The following NR1H4 variants were observed in gnomAD, a reference collection of about 807,000 sequenced individuals.
The protein encoded by NR1H4 is bile acid receptor.
NR1H4 carries 23 observed loss-of-function variants against 58.5 expected under a neutral mutation model. The observed-to-expected ratio is 0.39, with a 90% confidence interval of 0.28 to 0.56. The LOEUF is 0.56. NR1H4 is among the 20% of genes least tolerant of loss of function. The pLI, the probability that NR1H4 is intolerant of heterozygous loss-of-function variation, is 0.58. For synonymous variants in NR1H4, 214 were observed against 198.0 expected, an observed-to-expected ratio of 1.08 and a Z score of -0.68; for missense variants, 487 against 576.9, an observed-to-expected ratio of 0.84 and a Z score of 1.60.
intron 5 of NR1H4, among the ~76,000 whole-genome samples, chr12:100,533,286 G>C (rs1034886193): frequency 1.3e-5 from 2 of 152,182 alleles, no homozygotes; most frequent in African/African-American, 4.8e-5. Flanking sequence ...AGACCACTCA[G>C]ATTCTGAGAT....
intron 8 of NR1H4, among the ~76,000 whole-genome samples, chr12:100,537,764 A>ATC (rs1954846726): frequency 6.6e-6 from 1 of 152,168 alleles, no homozygotes; most frequent in South Asian, 2.1e-4. Flanking sequence ...CCCAGGCTGG[A>ATC]GTGCAATGGC....
chr12:100,510,873 C>T lies in NR1H4; in HGVS notation c.175C>T (p.Pro59Ser). 1 of 1,614,170 alleles carries T rather than the reference C, an allele frequency of 6.2e-7. No individual in the cohort carries two copies. Among genetic ancestry groups the T allele is most frequent in the Non-Finnish European group, 8.5e-7 (1 of 1,180,038 alleles). ...YSNVQFPQVQPQISSSSYYSN... is the reference protein window; with the variant it reads ...YSNVQFPQVQSQISSSSYYSN... The stretch of plus-strand genomic sequence containing the variant: ...CAATGTTCAGTTTCCCCAAGTTCAA[C>T]CACAGATTTCCTCGTCATCCTATTA... The change falls in exon 4 of 11, where the codon CCA becomes TCA. Residue 59 changes from proline (P) to serine (S), a missense_variant. Transcript: ENST00000392986.
At chr12:100,534,006 C>T (rs1411041980) in intron 5 of NR1H4, among the ~76,000 whole-genome samples, 4 of 151,862 alleles carry the variant, frequency 2.6e-5, no homozygotes, top group African/African-American at 7.3e-5. Flanking sequence ...ACGCCATTCT[C>T]CTGCCTCAGC....
intron 1 of NR1H4, among the ~76,000 whole-genome samples, 165 bp downstream of exon 1, chr12:100,474,224 A>G (rs1246248895): frequency 6.6e-6 from 1 of 152,356 alleles, no homozygotes; most frequent in East Asian, 1.9e-4. Context: ...GAGAGAAACT[A>G]AAAAACAAAA....
chr12:100,543,862 A>ACACCAGT (rs1954995845), intron 9 of NR1H4, among the ~76,000 whole-genome samples: 1 of 152,160 alleles, frequency 6.6e-6, no homozygotes, highest in Non-Finnish European at 1.5e-5. Context: ...TTCTCTCTTT[A>ACACCAGT]TGCAGAAAAC....
intron 1 of NR1H4, among the ~76,000 whole-genome samples, chr12:100,481,513 C>T (rs1953379503): frequency 9.9e-5 from 15 of 152,178 alleles, no homozygotes. Flanking sequence ...GTGGCTCACT[C>T]CTGTAATCCC....
chr12:100,510,692 C>A, intron 3 of NR1H4, 86 bp from the exon 4 acceptor site: 2 of 1,400,632 alleles, frequency 1.4e-6, no homozygotes, highest in Non-Finnish European at 2.0e-6. Flanking sequence ...TTCTTAGAGC[C>A]CACACTCCTA....
At position 100,534,121 on chromosome 12, in the gene NR1H4, C is replaced by T. The variant is rs1421444090; in HGVS notation, c.599-769C>T. 4.6e-5 allele frequency among the ~76,000 whole-genome samples: 7 copies of T among 151,230 alleles called. No individual in the cohort carries two copies. In the South Asian group the frequency reaches 1.5e-3, roughly 31 times the overall value. ...CCTTGTTAGCCAGGATGGTCTCGAT[C>T]TCCTGACCTCATCCACCCGCCTCGG... On this transcript the variant is annotated intron_variant, in intron 5 of 10. Coordinates refer to ENST00000392986, the MANE Select transcript of NR1H4 (RefSeq NM_001206979.2).
In NR1H4 at chr12:100,564,146, A is replaced by C. The variant is rs890844463; in HGVS notation, c.*657A>C. On this transcript the variant is annotated 3_prime_UTR_variant, in exon 11 of 11. Coordinates refer to ENST00000392986, the MANE Select transcript of NR1H4 (RefSeq NM_001206979.2). The stretch of plus-strand genomic sequence containing the variant: ...TTTCCCCCATAGTTAGTCTTGAGGC[A>C]GGATTCACAAATTCAGAGTATGCAG... 6.6e-6 allele frequency: 1 copy of C among 152,460 alleles called. No individual in the cohort carries two copies. The highest frequency in any genetic ancestry group is 2.4e-5 in the African/African-American group (1 of 41,468). The allele number at this position is 152,460 out of a possible 1,614,324, so 9.4% of individuals were successfully genotyped here.
chr12:100,552,536 A>G (rs1593130446), intron 9 of NR1H4, among the ~76,000 whole-genome samples: 1 of 152,314 alleles, frequency 6.6e-6, no homozygotes, highest in South Asian at 2.1e-4. Context: ...ATAAAGAACT[A>G]CGAAAACATA....
At chr12:100,536,882 C>G (rs773477828) in intron 7 of NR1H4, 66 bp from the exon 8 acceptor site, 9 of 978,572 alleles carry the variant, frequency 9.2e-6, no homozygotes, top group Non-Finnish European at 1.3e-5. Flanking sequence ...TTTCTTTAGT[C>G]TAATGGTTTT....
At chr12:100,559,395 G>A (rs1048296972) in intron 9 of NR1H4, among the ~76,000 whole-genome samples, 1 of 152,214 alleles carries the variant, frequency 6.6e-6, no homozygotes, top group Admixed American at 6.5e-5. Flanking sequence ...AGACGCGAGC[G>A]GGAACCGGGG....
chr12:100,532,447 T>A lies in NR1H4; in HGVS notation c.446-11T>A. The stretch of plus-strand genomic sequence containing the variant: ...GAGGACTTTTTACACTTTTCAGTGT[T>A]TCTCCCACAGGTTTCTTCAGGAGAA... On this transcript the variant is annotated splice_polypyrimidine_tract_variant and intron_variant, in intron 4 of 10. Transcript: ENST00000392986. 1 of 1,614,040 alleles carries A rather than the reference T, an allele frequency of 6.2e-7. No individual in the cohort carries two copies. The highest frequency in any genetic ancestry group is 8.5e-7 in the Non-Finnish European group (1 of 1,179,924).
At position 100,545,665 on chromosome 12, in the gene NR1H4, A is replaced by C. The variant is rs1397275088; in HGVS notation, c.1078+4847A>C. ...TCAAAAAAAAAAAAAAAAAAAAAAA[A>C]AAAACCAAACGGGGGGCATATATGC... On this transcript the variant is annotated intron_variant, in intron 9 of 10. Transcript: ENST00000392986. Among the ~76,000 whole-genome samples the C allele has an allele frequency of 8.2e-5, 11 of 134,540 alleles. 2 individuals are homozygous for C. Among genetic ancestry groups the C allele is most frequent in the Admixed American group, 2.1e-4 (3 of 14,188 alleles). 88.3% of individuals were successfully genotyped at this position (134,540 alleles called of 152,430 possible). A position where few individuals can be genotyped will look rare whatever the true frequency, so the allele number is the denominator to read the frequency against.
chr12:100,554,392 A>AAC (rs60582622), intron 9 of NR1H4, among the ~76,000 whole-genome samples: 21,829 of 147,908 alleles, frequency 0.15, 1,650 homozygotes, highest in African/African-American at 0.2. Context: ...ACTTGTAAAT[A>AAC]ACACACACAC....
intron 3 of NR1H4, among the ~76,000 whole-genome samples, chr12:100,500,656 G>A (rs946524001): frequency 3.9e-5 from 6 of 152,090 alleles, no homozygotes; most frequent in Non-Finnish European, 7.4e-5. Flanking sequence ...TTGGATCATG[G>A]GGGTGGTTTC....
intron 10 of NR1H4, 97 bp downstream of exon 10, chr12:100,562,095 A>AG (rs1355765674): frequency 2.0e-5 from 14 of 687,536 alleles, no homozygotes; most frequent in African/African-American, 7.2e-5. Context: ...AGAAATATAA[A>AG]GAAAAAGTAA....
At chr12:100,543,258 TG>T (rs1183443283) in intron 9 of NR1H4, among the ~76,000 whole-genome samples, 2 of 152,060 alleles carry the variant, frequency 1.3e-5, no homozygotes, top group African/African-American at 2.4e-5. Context: ...AAGAATCAGA[TG>T]ATTGAGGGCC....
chr12:100,552,292 G>C lies in NR1H4; in HGVS notation c.1079-9593G>C, dbSNP rs558333817. Among the ~76,000 whole-genome samples, 29 of 152,274 alleles carry C rather than the reference G, an allele frequency of 1.9e-4. 1 individual carries two copies. The highest frequency in any genetic ancestry group is 6.8e-3 in the Middle Eastern group (2 of 294). On this transcript the variant is annotated intron_variant, in intron 9 of 10. Coordinates refer to ENST00000392986, the MANE Select transcript of NR1H4 (RefSeq NM_001206979.2). ...CTAGGACTAATGGGAAGCATATCAT[G>C]TATTATATATTTTAAATTAAATATT...
Sources: allele counts gnomAD v4.1 joint callset (sites outside exome capture counted in the v4.1 genomes callset), GRCh38; gene constraint gnomAD v4.1.1; transcripts MANE v1.5; gene names NCBI Gene and HGNC (gene_info 2026-07-23, HGNC 2026-07-21).